The following CEP192 variants were observed in gnomAD, a reference collection of about 807,000 sequenced individuals.
CEP192 encodes the protein centrosomal protein 192.
CEP192 carries 151 observed loss-of-function variants against 271.8 expected under a neutral mutation model. The ratio of observed to expected loss-of-function variants is 0.56; its 90% CI spans 0.49 to 0.64. The LOEUF (loss-of-function observed/expected upper bound fraction) is 0.64, where lower values mean the gene tolerates loss of function less well. Ranked by LOEUF, CEP192 falls within the 30% of genes least tolerant of loss-of-function variation. CEP192 has a pLI of 0.00. For missense variants in CEP192, 2,910 were observed against 3,020.5 expected (o/e 0.96, Z 0.86); for synonymous variants, 995 against 1,076.5 (o/e 0.92, Z 1.48).
intron 40 of CEP192, among the ~76,000 whole-genome samples, chr18:13,111,396 A>T (rs1443459996): frequency 6.6e-6 from 1 of 152,196 alleles, no homozygotes; most frequent in Non-Finnish European, 1.5e-5. Context: ...AAGTGCTGGG[A>T]TTGCAGGCGT....
intron 21 of CEP192, among the ~76,000 whole-genome samples, chr18:13,063,287 T>G (rs973150471): frequency 2.6e-5 from 4 of 152,194 alleles, no homozygotes; most frequent in African/African-American, 9.6e-5. Context: ...TTGAGGAACC[T>G]CCAAACTGTT....
At position 13,043,892 on chromosome 18, in the gene CEP192, A is replaced by G. The variant is rs534449161; in HGVS notation, c.2067+1558A>G. Among the ~76,000 whole-genome samples, 4 of 152,162 alleles carry G rather than the reference A, an allele frequency of 2.6e-5. No individual in the cohort carries two copies. The South Asian group carries it at 8.3e-4, about 32-fold the overall frequency. Reference sequence around the variant, plus strand: ...ATTTTTGTGGGTACATAGTAGTTGTATATATTTATGGGGTACATGAGATGT... The same window carrying G: ...ATTTTTGTGGGTACATAGTAGTTGTGTATATTTATGGGGTACATGAGATGT... On this transcript the variant is annotated intron_variant, in intron 15 of 44. Coordinates refer to ENST00000506447, the MANE Select transcript of CEP192 (RefSeq NM_032142.4).
chr18:13,113,681 G>A lies in CEP192; in HGVS notation c.7143G>A (p.Thr2381=), dbSNP rs199713207. The A allele has an allele frequency of 1.6e-5, 26 of 1,612,614 alleles. No homozygotes were observed. The highest frequency in any genetic ancestry group is 1.6e-4 in the Middle Eastern group (1 of 6,078). Residue 2381 remains threonine, a synonymous_variant, in exon 41 of 45, where the codon ACG becomes ACA. Coordinates refer to ENST00000506447, the MANE Select transcript of CEP192 (RefSeq NM_032142.4). ...HPLKEPHMKH[T]LRFQLSGQSI... ...TTAAGGAGCCTCACATGAAACACAC[G>A]TTGAGATTCCAACTCTCTGGACAAG...
chr18:13,031,278 C>T (rs12971069), intron 11 of CEP192, among the ~76,000 whole-genome samples: 47,926 of 135,042 alleles, frequency 0.35, 8,495 homozygotes, highest in Middle Eastern at 0.49. Context: ...GACAGAGTCT[C>T]GCTCTGTCGC....
chr18:13,096,478 G>A (rs902877078), intron 36 of CEP192, among the ~76,000 whole-genome samples, 171 bp downstream of exon 36: 31 of 152,140 alleles, frequency 2.0e-4, no homozygotes, highest in Admixed American at 1.5e-3. Flanking sequence ...CAAGTGGTAG[G>A]CGGTCTAGTG....
chr18:13,094,184 G>A (rs1459796968), intron 34 of CEP192, among the ~76,000 whole-genome samples: 1 of 152,134 alleles, frequency 6.6e-6, no homozygotes, highest in Non-Finnish European at 1.5e-5. Context: ...GTTAAAAATG[G>A]TGCCTGCCAG....
chr18:13,102,935 A>C (rs1307531756), intron 38 of CEP192, among the ~76,000 whole-genome samples: 2 of 152,232 alleles, frequency 1.3e-5, no homozygotes, highest in Non-Finnish European at 2.9e-5. Context: ...GATATGCCCA[A>C]GAGAGGCCCT....
At chr18:13,069,037 G>A in intron 25 of CEP192, 46 bp downstream of exon 25, 1 of 1,614,072 alleles carries the variant, frequency 6.2e-7, no homozygotes, top group Non-Finnish European at 8.5e-7. Flanking sequence ...CATTCATGCT[G>A]ATTTCACTTT....
At chr18:13,046,733 TA>T (rs1410184120) in intron 15 of CEP192, among the ~76,000 whole-genome samples, 1 of 152,006 alleles carries the variant, frequency 6.6e-6, no homozygotes, top group Non-Finnish European at 1.5e-5. Flanking sequence ...GTTTTATTTC[TA>T]TATTTAACCC....
At chr18:13,045,705 G>A (rs2036438063) in intron 15 of CEP192, among the ~76,000 whole-genome samples, 1 of 152,190 alleles carries the variant, frequency 6.6e-6, no homozygotes, top group Non-Finnish European at 1.5e-5. Context: ...CATACAAATT[G>A]TGCATAAAAT....
At chr18:13,014,589 G>C (rs1306625911) in intron 5 of CEP192, among the ~76,000 whole-genome samples, 1 of 152,164 alleles carries the variant, frequency 6.6e-6, no homozygotes, top group Non-Finnish European at 1.5e-5. Flanking sequence ...TTGCACAGCT[G>C]TTAACATTTG....
chr18:13,118,616 T>C (rs1283075330), intron 44 of CEP192, among the ~76,000 whole-genome samples: 1 of 152,224 alleles, frequency 6.6e-6, no homozygotes, highest in Non-Finnish European at 1.5e-5. Flanking sequence ...AACTATAGAT[T>C]TTAGTTCTGA....
rs1297656439 is a variant in CEP192, at chr18:13,124,880, A to G, written c.*110A>G. ...TATATATTTTGTATGATGGATATCTATAATTGTAGATTTTGTTTTTACAAG... is the reference window on the plus strand; with the variant it reads ...TATATATTTTGTATGATGGATATCTGTAATTGTAGATTTTGTTTTTACAAG... On this transcript the variant is annotated 3_prime_UTR_variant, in exon 45 of 45. Coordinates refer to ENST00000506447, the MANE Select transcript of CEP192 (RefSeq NM_032142.4). 8 of 894,466 alleles carry G rather than the reference A, an allele frequency of 8.9e-6. No individual in the cohort carries two copies. The highest frequency in any genetic ancestry group is 3.7e-5 in the South Asian group (2 of 54,380). The allele number at this position is 894,466 out of a possible 1,614,324, so 55.4% of individuals were successfully genotyped here.
At chr18:13,108,459 G>A (rs926577118) in intron 40 of CEP192, among the ~76,000 whole-genome samples, 1 of 152,020 alleles carries the variant, frequency 6.6e-6, no homozygotes, top group African/African-American at 2.4e-5. Flanking sequence ...AATTGAACAA[G>A]CCCAAAACAA....
intron 9 of CEP192, among the ~76,000 whole-genome samples, chr18:13,023,942 T>C (rs2035138973): frequency 6.6e-6 from 1 of 152,220 alleles, no homozygotes. Flanking sequence ...GTGAGTTTTT[T>C]TCTGATAAGA....
intron 32 of CEP192, among the ~76,000 whole-genome samples, chr18:13,087,984 A>G (rs1598565406): frequency 6.6e-6 from 1 of 152,206 alleles, no homozygotes; most frequent in East Asian, 1.9e-4. Context: ...TGTCAGTTTT[A>G]TAAAAGATTT....
At chr18:13,102,369 G>A (rs1189692347) in intron 38 of CEP192, among the ~76,000 whole-genome samples, 1 of 151,986 alleles carries the variant, frequency 6.6e-6, no homozygotes, top group African/African-American at 2.4e-5. Context: ...AGAGCCATCA[G>A]CTTCTCCCTC....
chr18:13,065,111 C>T (rs949902369), intron 21 of CEP192, among the ~76,000 whole-genome samples: 2 of 150,454 alleles, frequency 1.3e-5, no homozygotes, highest in African/African-American at 4.9e-5. Flanking sequence ...ATGCTACTGA[C>T]TTTTATATGT....
intron 28 of CEP192, among the ~76,000 whole-genome samples, 190 bp from the exon 29 acceptor site, chr18:13,072,565 G>A (rs1011471990): frequency 6.6e-6 from 1 of 152,198 alleles, no homozygotes; most frequent in Admixed American, 6.5e-5. Flanking sequence ...CCTCTATAAG[G>A]TGAGTCTTGA....
Sources: allele counts gnomAD v4.1 joint callset (sites outside exome capture counted in the v4.1 genomes callset), GRCh38; gene constraint gnomAD v4.1.1; transcripts MANE v1.5; gene names NCBI Gene and HGNC (gene_info 2026-07-23, HGNC 2026-07-21).